Variants in SYNDIG1 observed in about 807,000 individuals in gnomAD.
SYNDIG1 encodes the protein synapse differentiation inducing 1.
Under a neutral mutation model 19.4 loss-of-function variants are expected in SYNDIG1, and 9 were observed. The observed-to-expected ratio is 0.46, with a 90% CI of 0.28 to 0.81. SYNDIG1 has a LOEUF of 0.81. SYNDIG1 is among the 30% of genes least tolerant of loss of function. The pLI, the probability that SYNDIG1 is intolerant of heterozygous loss-of-function variation, is 0.12. For synonymous variants in SYNDIG1, 141 were observed against 145.9 expected (o/e 0.97, Z 0.24); for missense variants, 311 against 343.3 (o/e 0.91, Z 0.74).
intron 1 of SYNDIG1, among the ~76,000 whole-genome samples, chr20:24,496,536 C>T (rs1480649621): frequency 2.0e-5 from 3 of 152,156 alleles, no homozygotes; most frequent in African/African-American, 7.2e-5. Flanking sequence ...TTGGGCACAC[C>T]TGGGTGTAAC....
chr20:24,543,177 A>C lies in SYNDIG1; in HGVS notation c.80A>C (p.Asn27Thr). Residue 27 changes from asparagine (N) to threonine (T), a missense_variant, in exon 2 of 4, where the codon AAC becomes ACC. Physicochemically the swap from Asn to Thr is moderately conservative, Grantham distance 65 (BLOSUM62 0). Transcript: ENST00000376862. ...SDAGKRNGLI[N>T]TRNLMAESRD... ...GCTGGCAAGAGGAATGGTTTAATTA[A>C]CACCAGAAACTTGATGGCCGAGAGC... 1 of 1,614,108 alleles carries C rather than the reference A, an allele frequency of 6.2e-7. No homozygotes were observed. Among genetic ancestry groups the C allele is most frequent in the Non-Finnish European group, 8.5e-7 (1 of 1,180,020 alleles).
rs1240726353 is a variant in SYNDIG1 at position 24,585,128 on chromosome 20, G to A, written c.618+135G>A. 2.5e-6 allele frequency: 3 copies of A among 1,209,602 alleles called. No homozygotes were observed. In the South Asian group the frequency reaches 4.4e-5, roughly 18 times the overall value. The allele number at this position is 1,209,602 out of a possible 1,614,324, so 74.9% of individuals were successfully genotyped here. A position where few individuals can be genotyped will look rare whatever the true frequency, so the allele number is the denominator to read the frequency against. On this transcript the variant is annotated intron_variant, in intron 3 of 3. Transcript: ENST00000376862. ...CTACAGCTGGGTCGGCACTTGCCCAGTTGGAGGATAGGCTGGGAGAAGTCG... is the reference window on the plus strand; with the variant it reads ...CTACAGCTGGGTCGGCACTTGCCCAATTGGAGGATAGGCTGGGAGAAGTCG...
chr20:24,661,345 GGGAGAGA>G (rs2059584720), intron 3 of SYNDIG1, among the ~76,000 whole-genome samples: 1 of 125,476 alleles, frequency 8.0e-6, no homozygotes, highest in Non-Finnish European at 1.8e-5. Context: ...GGAGGAAGGA[GGGAGAGA>G]GGAGGGAGGG....
intron 3 of SYNDIG1, among the ~76,000 whole-genome samples, chr20:24,606,018 T>C (rs1373329367): frequency 6.6e-6 from 1 of 152,260 alleles, no homozygotes; most frequent in Non-Finnish European, 1.5e-5. Flanking sequence ...TCTTTTAAGA[T>C]CGAGGACTTC....
intron 3 of SYNDIG1, among the ~76,000 whole-genome samples, chr20:24,643,861 T>G (rs940575252): frequency 5.3e-5 from 8 of 152,218 alleles, no homozygotes; most frequent in African/African-American, 1.7e-4. Flanking sequence ...AAATATGTGA[T>G]TTCCAACCAC....
chr20:24,547,122 G>C (rs2146759100), intron 2 of SYNDIG1, among the ~76,000 whole-genome samples: 1 of 152,002 alleles, frequency 6.6e-6, no homozygotes, highest in East Asian at 1.9e-4. Flanking sequence ...TCCTGGGTCA[G>C]AGCAGGGCCC....
intron 1 of SYNDIG1, 140 bp from the exon 2 acceptor site, chr20:24,542,880 A>G (rs764314982): frequency 2.7e-5 from 18 of 655,892 alleles, no homozygotes; most frequent in Non-Finnish European, 4.3e-5. Context: ...CTGAATAGGT[A>G]GGACTGCATT....
chr20:24,513,521 A>G (rs1854823765), intron 1 of SYNDIG1, among the ~76,000 whole-genome samples: 1 of 152,256 alleles, frequency 6.6e-6, no homozygotes, highest in African/African-American at 2.4e-5. Context: ...AAGGAAGGGT[A>G]TCAGTGATTG....
chr20:24,650,887 G>A (rs1445877166), intron 3 of SYNDIG1, among the ~76,000 whole-genome samples: 1 of 152,162 alleles, frequency 6.6e-6, no homozygotes, highest in Non-Finnish European at 1.5e-5. Context: ...CCAGGCTGGA[G>A]TGTAGTGGTG....
At chr20:24,514,865 A>G (rs903149507) in intron 1 of SYNDIG1, among the ~76,000 whole-genome samples, 1 of 152,236 alleles carries the variant, frequency 6.6e-6, no homozygotes, top group Non-Finnish European at 1.5e-5. Context: ...AATTGACCAC[A>G]TAGTTGGAAG....
chr20:24,595,959 G>A (rs934025823), intron 3 of SYNDIG1, among the ~76,000 whole-genome samples: 1 of 152,066 alleles, frequency 6.6e-6, no homozygotes, highest in Non-Finnish European at 1.5e-5. Context: ...GTTTTCTTCA[G>A]TTCACCTCTG....
chr20:24,625,937 T>C (rs1215674400), intron 3 of SYNDIG1, among the ~76,000 whole-genome samples: 1 of 141,892 alleles, frequency 7.0e-6, no homozygotes, highest in East Asian at 2.2e-4. Context: ...CCAGTAGGGG[T>C]GGCCGGGCAG....
At chr20:24,500,494 CTTT>C (rs754133717) in intron 1 of SYNDIG1, among the ~76,000 whole-genome samples, 10,865 of 133,356 alleles carry the variant, frequency 0.081, 546 homozygotes, top group Non-Finnish European at 0.12. Context: ...TTCTTTCTTT[CTTT>C]CTTTCTTTCT....
At chr20:24,579,847 C>T (rs993670268) in intron 2 of SYNDIG1, among the ~76,000 whole-genome samples, 1 of 152,226 alleles carries the variant, frequency 6.6e-6, no homozygotes, top group African/African-American at 2.4e-5. Flanking sequence ...GCCTCACACT[C>T]TTGCTCACAA....
intron 2 of SYNDIG1, among the ~76,000 whole-genome samples, chr20:24,573,295 G>A (rs1482004582): frequency 6.6e-6 from 1 of 152,160 alleles, no homozygotes; most frequent in Non-Finnish European, 1.5e-5. Flanking sequence ...TCCCAGTCAC[G>A]TAGATTGATG....
chr20:24,661,474 G>GAAGAGGGAGA (rs1184561507), intron 3 of SYNDIG1, among the ~76,000 whole-genome samples: 2 of 108,656 alleles, frequency 1.8e-5, no homozygotes, highest in African/African-American at 3.6e-5. Context: ...AAGGAGGGAG[G>GAAGAGGGAGA]GAAGAGGGAG....
intron 2 of SYNDIG1, among the ~76,000 whole-genome samples, chr20:24,567,953 G>A (rs952840669): frequency 6.6e-6 from 1 of 152,120 alleles, no homozygotes; most frequent in African/African-American, 2.4e-5. Flanking sequence ...GGCCAACATG[G>A]TGAAACCCTG....
Position 24,479,311 on chromosome 20 carries a change from G to A in SYNDIG1, c.-79+9558G>A, listed in dbSNP as rs544091176. Among the ~76,000 whole-genome samples the A allele has an allele frequency of 3.3e-5, 5 of 152,166 alleles. No individual in the cohort carries two copies. In the South Asian group the frequency reaches 6.2e-4, roughly 19 times the overall value. ...CGAGCCCTCACCCTCCTTGGATTCC[G>A]CCTGCCAGGCCTTCTTTGTCAGAAT... On this transcript the variant is annotated intron_variant, in intron 1 of 3. Transcript: ENST00000376862.
chr20:24,553,284 T>C (rs2057743607), intron 2 of SYNDIG1, among the ~76,000 whole-genome samples: 1 of 152,188 alleles, frequency 6.6e-6, no homozygotes, highest in African/African-American at 2.4e-5. Flanking sequence ...GATGGTAGTT[T>C]CTTTTGCTGT....
Sources: allele counts gnomAD v4.1 joint callset (sites outside exome capture counted in the v4.1 genomes callset), GRCh38; gene constraint gnomAD v4.1.1; transcripts MANE v1.5; gene names NCBI Gene and HGNC (gene_info 2026-07-23, HGNC 2026-07-21).